The following DCC variants were observed in gnomAD, a reference collection of about 807,000 sequenced individuals.
The protein encoded by DCC is DCC netrin 1 receptor.
Under a neutral mutation model 172.5 loss-of-function variants are expected in DCC, and 58 were observed. The ratio of observed to expected loss-of-function variants is 0.34; its 90% confidence interval spans 0.27 to 0.42. The LOEUF is 0.42. DCC is among the 10% of genes least tolerant of loss of function. DCC has a pLI of 1.00. For missense variants in DCC, 1,740 were observed against 1,791.0 expected, an observed-to-expected ratio of 0.97 and a Z score of 0.51; for synonymous variants, 709 against 644.5, an observed-to-expected ratio of 1.10 and a Z score of -1.52.
intron 26 of DCC, among the ~76,000 whole-genome samples, chr18:53,492,665 A>ATATC (rs1568166143): frequency 1.3e-5 from 2 of 152,084 alleles, no homozygotes; most frequent in Non-Finnish European, 2.9e-5. Flanking sequence ...GTTGGTCTGT[A>ATATC]TATCTGTTTT....
intron 2 of DCC, among the ~76,000 whole-genome samples, chr18:52,897,909 G>A (rs1050574461): frequency 6.6e-6 from 1 of 152,204 alleles, no homozygotes; most frequent in Non-Finnish European, 1.5e-5. Flanking sequence ...GGCAAGTACA[G>A]GCCAAAATGA....
At chr18:52,455,987 CA>C (rs1988445608) in intron 1 of DCC, among the ~76,000 whole-genome samples, 1 of 151,866 alleles carries the variant, frequency 6.6e-6, no homozygotes, top group Non-Finnish European at 1.5e-5. Flanking sequence ...AACAAACAAA[CA>C]AAAAAAGGTT....
At chr18:52,460,687 G>A (rs944635147) in intron 1 of DCC, among the ~76,000 whole-genome samples, 1 of 152,064 alleles carries the variant, frequency 6.6e-6, no homozygotes, top group East Asian at 1.9e-4. Context: ...TGTACAGCAC[G>A]TTACTATTCT....
At chr18:52,916,025 TAAG>T (rs1211216499) in intron 3 of DCC, among the ~76,000 whole-genome samples, 1 of 152,094 alleles carries the variant, frequency 6.6e-6, no homozygotes, top group Non-Finnish European at 1.5e-5. Context: ...CATGTTGGCT[TAAG>T]AATGTCCATG....
chr18:53,442,815 G>A (rs551191459), intron 22 of DCC, among the ~76,000 whole-genome samples: 20 of 152,212 alleles, frequency 1.3e-4, no homozygotes, highest in Non-Finnish European at 2.5e-4. Context: ...TTGCTGACAT[G>A]AAGAAAGTTT....
At chr18:52,417,773 C>T (rs1340125275) in intron 1 of DCC, among the ~76,000 whole-genome samples, 4 of 152,158 alleles carry the variant, frequency 2.6e-5, no homozygotes, top group Non-Finnish European at 5.9e-5. Flanking sequence ...ATACATTCGT[C>T]TAAATTTTTT....
chr18:52,651,339 C>T (rs1437252944), intron 1 of DCC, among the ~76,000 whole-genome samples: 1 of 152,000 alleles, frequency 6.6e-6, no homozygotes, highest in Non-Finnish European at 1.5e-5. Context: ...GGCCACCACA[C>T]TTGGATTTCT....
chr18:52,673,889 G>A (rs2035601064), intron 1 of DCC, among the ~76,000 whole-genome samples: 1 of 152,200 alleles, frequency 6.6e-6, no homozygotes. Context: ...GTGCTTAGAA[G>A]TAGTGGGTTC....
At chr18:52,642,046 ACTGTGGTGTG>A (rs1167734464) in intron 1 of DCC, among the ~76,000 whole-genome samples, 18 of 16,328 alleles carry the variant, frequency 1.1e-3, no homozygotes, top group East Asian at 1.9e-3. Context: ...ATATATATAT[ACTGTGGTGTG>A]TGTGTGTATA....
chr18:53,136,193 T>TTATCTATCTATCTATCTATC (rs149182187), intron 7 of DCC, among the ~76,000 whole-genome samples: 4,935 of 149,012 alleles, frequency 0.033, 111 homozygotes, highest in South Asian at 0.05. Context: ...GCATGTGATT[T>TTATCTATCTATCTATCTATC]TATCTATCTA....
chr18:52,377,032 CTCTT>C (rs1985378957), intron 1 of DCC, among the ~76,000 whole-genome samples: 1 of 152,194 alleles, frequency 6.6e-6, no homozygotes, highest in Non-Finnish European at 1.5e-5. Flanking sequence ...AGAGGATAAT[CTCTT>C]TCTTCAGGCA....
chr18:52,413,029 A>G (rs1318037290), intron 1 of DCC, among the ~76,000 whole-genome samples: 2 of 151,990 alleles, frequency 1.3e-5, no homozygotes, highest in Non-Finnish European at 2.9e-5. Flanking sequence ...TTGACTTTAG[A>G]TTGCATTATT....
At chr18:53,468,342 T>TTATTTATTTA (rs374157159) in intron 25 of DCC, among the ~76,000 whole-genome samples, 5 of 131,026 alleles carry the variant, frequency 3.8e-5, no homozygotes, top group Non-Finnish European at 7.8e-5. Context: ...CATAGTTTAT[T>TTATTTATTTA]TTTATTTATT....
chr18:53,034,922 A>G (rs949761672), intron 5 of DCC, among the ~76,000 whole-genome samples: 6 of 152,026 alleles, frequency 3.9e-5, no homozygotes, highest in Non-Finnish European at 7.4e-5. Context: ...CTTACTCTCT[A>G]AATAGCCCAT....
At chr18:52,413,688 C>A (rs1986918740) in intron 1 of DCC, among the ~76,000 whole-genome samples, 1 of 151,974 alleles carries the variant, frequency 6.6e-6, no homozygotes, top group African/African-American at 2.4e-5. Flanking sequence ...GTTTTTAATC[C>A]TTTTCAAAGG....
intron 1 of DCC, among the ~76,000 whole-genome samples, chr18:52,653,758 C>G (rs1374271012): frequency 2.6e-5 from 4 of 152,170 alleles, no homozygotes; most frequent in African/African-American, 4.8e-5. Context: ...TTCACCTCAA[C>G]TCTTATTAGA....
intron 1 of DCC, among the ~76,000 whole-genome samples, chr18:52,548,876 G>A (rs950344924): frequency 6.6e-6 from 1 of 152,084 alleles, no homozygotes; most frequent in African/African-American, 2.4e-5. Flanking sequence ...ATGAGATACT[G>A]AAGAAAATGT....
At chr18:53,428,444 T>TAATAAATTACATATAATATATTA (rs1599139678) in intron 21 of DCC, among the ~76,000 whole-genome samples, 1 of 32,998 alleles carries the variant, frequency 3.0e-5, no homozygotes, top group Non-Finnish European at 6.8e-5. Context: ...ATATAATATA[T>TAATAAATTACATATAATATATTA]TATATTATTT....
chr18:52,943,299 C>A (rs1172063047), intron 5 of DCC, among the ~76,000 whole-genome samples: 1 of 152,102 alleles, frequency 6.6e-6, no homozygotes, highest in Non-Finnish European at 1.5e-5. Flanking sequence ...ACTTTCATGC[C>A]AGGTACATTT....
Sources: gnomAD v4.1 joint callset for allele counts (sites outside exome capture counted in the v4.1 genomes callset) on GRCh38, gnomAD v4.1.1 for gene constraint, MANE v1.5 for transcripts, NCBI Gene and HGNC (gene_info 2026-07-23, HGNC 2026-07-21) for gene names.